Variants in NID2 observed in about 807,000 individuals in gnomAD.
NID2 encodes nidogen-2.
Under a neutral mutation model 145.4 loss-of-function variants are expected in NID2, and 83 were observed. The observed-to-expected ratio is 0.57, with a 90% CI of 0.48 to 0.69. The LOEUF (loss-of-function observed/expected upper bound fraction) is 0.69. Ranked by LOEUF, NID2 falls within the 30% of genes least tolerant of loss-of-function variation. The probability of loss-of-function intolerance (pLI) is 0.00; values close to 1 mark genes in which losing one functional copy is unlikely to be tolerated. For missense variants in NID2, 1,807 were observed against 1,765.7 expected (o/e 1.02, Z -0.42); for synonymous variants, 739 against 701.3 (o/e 1.05, Z -0.85).
chr14:52,005,908 G>C, intron 20 of NID2, 59 bp from the exon 21 acceptor site: 1 of 1,292,860 alleles, frequency 7.7e-7, no homozygotes, highest in Non-Finnish European at 1.1e-6. Context: ...AAAGAAGTCA[G>C]TCAGCCACAG....
In NID2 at chr14:52,039,010, T is replaced by C. The variant is rs780642006; in HGVS notation, c.2027-33A>G. ...AAACACAGTGGTAATTTTTTAAAAA[T>C]ATTAAATACAGAGATTTTCATGTGA... is the stretch of plus-strand genomic sequence containing the variant. On this transcript the variant is annotated intron_variant, in intron 8 of 21. Coordinates refer to ENST00000216286, the MANE Select transcript of NID2 (RefSeq NM_007361.4). The C allele has an allele frequency of 6.2e-6, 9 of 1,445,884 alleles. No individual in the cohort carries two copies. In the East Asian group the frequency reaches 2.1e-4, roughly 34 times the overall value. The allele number at this position is 1,445,884 out of a possible 1,614,324, so 89.6% of individuals were successfully genotyped here. A position where few individuals can be genotyped will look rare whatever the true frequency, so the allele number is the denominator to read the frequency against.
Position 52,014,353 on chromosome 14 carries a change from A to C in NID2, c.3354T>G (p.Ile1118Met). 6.2e-7 allele frequency: 1 copy of C among 1,614,236 alleles called. No individual in the cohort carries two copies. Among genetic ancestry groups the C allele is most frequent in the Non-Finnish European group, 8.5e-7 (1 of 1,180,038 alleles). The change falls in exon 16 of 22, where the codon ATT becomes ATG. Residue 1118 changes from isoleucine to methionine, a missense_variant. Ile to Met is a conservative substitution (Grantham distance 10, BLOSUM62 1). Transcript: ENST00000216286. ...TGGTGCCATTGAGGGGTAAGTAGCCAATCTGCTGGCCCTGAGTATAGAGCA... is the reference window on the plus strand; with the variant it reads ...TGGTGCCATTGAGGGGTAAGTAGCCCATCTGCTGGCCCTGAGTATAGAGCA... ...TFLLYTQGQQIGYLPLNGTRL... is the reference protein window; with the variant it reads ...TFLLYTQGQQMGYLPLNGTRL...
At chr14:52,026,452 C>CTG (rs1340363910) in intron 12 of NID2, among the ~76,000 whole-genome samples, 3 of 152,268 alleles carry the variant, frequency 2.0e-5, no homozygotes, top group African/African-American at 2.4e-5. Flanking sequence ...TTTACCCTAA[C>CTG]TGTGTGTGTG....
intron 14 of NID2, among the ~76,000 whole-genome samples, chr14:52,017,061 G>C (rs1048712777): frequency 6.6e-6 from 1 of 152,194 alleles, no homozygotes; most frequent in African/African-American, 2.4e-5. Context: ...GGAACACAGA[G>C]AGGGAAATGC....
intron 19 of NID2, 65 bp from the exon 20 acceptor site, chr14:52,006,725 T>C: frequency 6.5e-7 from 1 of 1,549,594 alleles, no homozygotes; most frequent in Admixed American, 1.7e-5. Flanking sequence ...AGTGACATAG[T>C]GATAGTGACA....
chr14:52,024,491 T>C lies in NID2; in HGVS notation c.2674+2710A>G, dbSNP rs537569849. Reference sequence around the variant, plus strand: ...AGTGGATCTTTCCCCAGTTAAGCCTTCAGATGAGACCACTGACCCACCAGA... The same window carrying C: ...AGTGGATCTTTCCCCAGTTAAGCCTCCAGATGAGACCACTGACCCACCAGA... On this transcript the variant is annotated intron_variant, in intron 12 of 21. Transcript: ENST00000216286. 2.6e-5 allele frequency among the ~76,000 whole-genome samples: 4 copies of C among 152,282 alleles called. No homozygotes were observed. In the East Asian group the frequency reaches 5.8e-4, roughly 22 times the overall value.
intron 5 of NID2, among the ~76,000 whole-genome samples, chr14:52,053,014 C>G (rs1381778512): frequency 6.6e-6 from 1 of 152,222 alleles, no homozygotes; most frequent in Non-Finnish European, 1.5e-5. Flanking sequence ...CATGCCACAG[C>G]TGCATAGCCA....
At chr14:52,021,218 A>G (rs553704107) in intron 12 of NID2, among the ~76,000 whole-genome samples, 1 of 18,050 alleles carries the variant, frequency 5.5e-5, no homozygotes, top group East Asian at 2.1e-3. Flanking sequence ...AAAATGTGTG[A>G]ATAGAAAAAA....
intron 9 of NID2, among the ~76,000 whole-genome samples, chr14:52,036,242 G>A (rs1892065942): frequency 6.6e-6 from 1 of 152,044 alleles, no homozygotes; most frequent in Non-Finnish European, 1.5e-5. Flanking sequence ...GCCTATTTTG[G>A]ATATTTCACA....
At chr14:52,041,251 T>G (rs1892269959) in intron 7 of NID2, among the ~76,000 whole-genome samples, 2 of 152,210 alleles carry the variant, frequency 1.3e-5, no homozygotes, top group African/African-American at 4.8e-5. Context: ...TAAGTATGTC[T>G]CATGAAATAT....
At chr14:52,035,481 G>A (rs1203216596) in intron 9 of NID2, among the ~76,000 whole-genome samples, 2 of 152,104 alleles carry the variant, frequency 1.3e-5, no homozygotes, top group African/African-American at 2.4e-5. Context: ...CTTCACAGGT[G>A]AGGCTAATGG....
intron 16 of NID2, among the ~76,000 whole-genome samples, chr14:52,012,964 C>CG (rs1269495347): frequency 5.9e-5 from 9 of 152,184 alleles, no homozygotes; most frequent in Non-Finnish European, 1.0e-4. Context: ...TTGTACAAAA[C>CG]GGGATTTGGC....
intron 2 of NID2, among the ~76,000 whole-genome samples, chr14:52,061,073 G>A (rs1393175498): frequency 1.3e-5 from 2 of 152,140 alleles, no homozygotes; most frequent in Non-Finnish European, 2.9e-5. Flanking sequence ...CATTCAAGGT[G>A]AGTTGTAACC....
chr14:52,019,278 C>G lies in NID2; in HGVS notation c.2811G>C (p.Leu937=), dbSNP rs751971781. Residue 937 remains leucine, a synonymous_variant, in exon 14 of 22, where the codon CTG becomes CTC. Coordinates refer to ENST00000216286, the MANE Select transcript of NID2 (RefSeq NM_007361.4). ...FQCIPDSTSS[L]TPCEQQQRHA... is the part of the protein sequence containing the mutation. Reference sequence around the variant, plus strand: ...GGCGCTGCTGTTGTTCACAGGGTGTCAGGCTTGAGGTGGAGTCTTCCAGGA... The same window carrying G: ...GGCGCTGCTGTTGTTCACAGGGTGTGAGGCTTGAGGTGGAGTCTTCCAGGA... The G allele has an allele frequency of 1.3e-6, 2 of 1,591,804 alleles. No homozygotes were observed. Among genetic ancestry groups the G allele is most frequent in the Admixed American group, 3.4e-5 (2 of 59,512 alleles).
intron 15 of NID2, among the ~76,000 whole-genome samples, chr14:52,014,706 AT>A (rs1031964054): frequency 1.3e-5 from 2 of 150,488 alleles, no homozygotes; most frequent in African/African-American, 4.9e-5. Flanking sequence ...AGCAGAACAG[AT>A]TTTTTTTTCA....
intron 2 of NID2, among the ~76,000 whole-genome samples, chr14:52,063,768 C>T (rs1893096852): frequency 6.6e-6 from 1 of 152,208 alleles, no homozygotes; most frequent in Admixed American, 6.5e-5. Context: ...TGAACACTAA[C>T]CTCCATTCCT....
In NID2 at chr14:52,042,269, A is replaced by C; in HGVS notation, c.1661T>G (p.Leu554Arg). 1 of 1,614,210 alleles carries C rather than the reference A, an allele frequency of 6.2e-7. No homozygotes were observed. Among genetic ancestry groups the C allele is most frequent in the South Asian group, 1.1e-5 (1 of 91,084 alleles). ...HTPVHFTDVDLHAYIVGNDGR... is the reference protein window; with the variant it reads ...HTPVHFTDVDRHAYIVGNDGR... ...ATCATTGCCCACGATATACGCATGC[A>C]GGTCCACATCAGTGAAGTGCACGGG... is the stretch of plus-strand genomic sequence containing the variant. The change falls in exon 7 of 22, where the codon CTG becomes CGG. Residue 554 changes from leucine (L) to arginine (R), a missense_variant. By Grantham distance (102) the Leu-to-Arg change is moderately radical (BLOSUM62 -2). Coordinates refer to ENST00000216286, the MANE Select transcript of NID2 (RefSeq NM_007361.4).
chr14:52,004,825 T>C lies in NID2; in HGVS notation c.*661A>G, dbSNP rs570396241. The C allele has an allele frequency of 2.3e-5, 5 of 220,662 alleles. No individual in the cohort carries two copies. The highest frequency in any genetic ancestry group is 1.7e-4 in the South Asian group (1 of 5,822). The allele number at this position is 220,662 out of a possible 1,614,324, so 13.7% of individuals were successfully genotyped here. A position where few individuals can be genotyped will look rare whatever the true frequency, so the allele number is the denominator to read the frequency against. On this transcript the variant is annotated 3_prime_UTR_variant, in exon 22 of 22. Transcript: ENST00000216286. ...AGTCATAGGAAAACTTAAAACACTT[T>C]ATTGGAGTAATCTAGAAAATTTTAA...
At chr14:52,067,185 A>G (rs1417442644) in intron 2 of NID2, among the ~76,000 whole-genome samples, 2 of 152,222 alleles carry the variant, frequency 1.3e-5, no homozygotes, top group African/African-American at 4.8e-5. Context: ...AAAAGCCTTA[A>G]TGGCCCAACA....
Sources: gnomAD v4.1 joint callset for allele counts (sites outside exome capture counted in the v4.1 genomes callset) on GRCh38, gnomAD v4.1.1 for gene constraint, MANE v1.5 for transcripts, NCBI Gene and HGNC (gene_info 2026-07-23, HGNC 2026-07-21) for gene names.